STPG2: variants seen among roughly 807,000 people sequenced by gnomAD.
The protein encoded by STPG2 is sperm-tail PG-rich repeat-containing protein 2.
Under a neutral mutation model 54.2 loss-of-function variants are expected in STPG2, and 56 were observed. That is an observed-to-expected ratio of 1.03 (90% CI 0.83 to 1.29). The LOEUF (loss-of-function observed/expected upper bound fraction) is 1.29. STPG2 is among the 50% of genes most tolerant of loss of function. The pLI is 0.00. For synonymous variants in STPG2, 200 were observed against 181.8 expected (o/e 1.10, Z -0.81); for missense variants, 596 against 544.9 (o/e 1.09, Z -0.93).
intron 4 of STPG2, among the ~76,000 whole-genome samples, chr4:97,450,869 C>A (rs59931498): frequency 0.11 from 16,162 of 152,004 alleles, 2,525 homozygotes; most frequent in African/African-American, 0.34. Flanking sequence ...TATTAAATAT[C>A]CTACATGCAC....
chr4:98,061,281 G>A (rs959187163), intron 5 of STPG2, among the ~76,000 whole-genome samples: 1 of 152,150 alleles, frequency 6.6e-6, no homozygotes, highest in Non-Finnish European at 1.5e-5. Context: ...AGGTTTAATT[G>A]ACTCACAGTT....
intron 8 of STPG2, among the ~76,000 whole-genome samples, chr4:97,887,535 A>T (rs1730624141): frequency 6.6e-6 from 1 of 152,192 alleles, no homozygotes; most frequent in African/African-American, 2.4e-5. Flanking sequence ...CAAAGTATTC[A>T]AGATGTGGCC....
At chr4:97,495,646 T>A (rs926716394) in intron 4 of STPG2, among the ~76,000 whole-genome samples, 9 of 150,140 alleles carry the variant, frequency 6.0e-5, no homozygotes, top group African/African-American at 2.2e-4. Flanking sequence ...AGTTTCTTGG[T>A]AGTCAAGCTA....
chr4:97,566,045 C>A (rs1732427063), intron 10 of STPG2, among the ~76,000 whole-genome samples: 1 of 152,188 alleles, frequency 6.6e-6, no homozygotes, highest in Admixed American at 6.5e-5. Context: ...AGAGGTGGAG[C>A]CTACAGAGAC....
At chr4:97,661,258 G>C (rs1468039621) in intron 10 of STPG2, among the ~76,000 whole-genome samples, 1 of 152,026 alleles carries the variant, frequency 6.6e-6, no homozygotes, top group African/African-American at 2.4e-5. Context: ...CACAAAAATG[G>C]GCTTTGAACT....
At chr4:97,969,579 C>T (rs767390733) in intron 7 of STPG2, among the ~76,000 whole-genome samples, 2 of 152,098 alleles carry the variant, frequency 1.3e-5, no homozygotes, top group Admixed American at 1.3e-4. Flanking sequence ...GAGACAGCCC[C>T]GTTGCATTGC....
At chr4:97,698,113 C>T (rs2148994878) in intron 10 of STPG2, among the ~76,000 whole-genome samples, 2 of 152,140 alleles carry the variant, frequency 1.3e-5, no homozygotes, top group East Asian at 3.9e-4. Context: ...CATGACCGAT[C>T]TGGTCTCAGC....
intron 10 of STPG2, among the ~76,000 whole-genome samples, chr4:97,610,763 C>T (rs1421831737): frequency 6.6e-6 from 1 of 151,858 alleles, no homozygotes; most frequent in Admixed American, 6.6e-5. Flanking sequence ...CAAGTAAGAT[C>T]AATATACTTG....
chr4:97,853,784 T>C (rs1553918805), intron 8 of STPG2, among the ~76,000 whole-genome samples: 1 of 152,162 alleles, frequency 6.6e-6, no homozygotes, highest in Non-Finnish European at 1.5e-5. Context: ...TGATACTGTT[T>C]TTATTTTTTT....
At chr4:97,506,019 CAAAAAAAAAAA>C (rs59206485) in intron 4 of STPG2, among the ~76,000 whole-genome samples, 296 of 16,936 alleles carry the variant, frequency 0.017, 6 homozygotes, top group African/African-American at 0.056. Context: ...AATAGGAGAC[CAAAAAAAAAAA>C]AAAAAAAAAA....
At chr4:98,080,530 G>C (rs978162517) in intron 5 of STPG2, among the ~76,000 whole-genome samples, 1 of 152,060 alleles carries the variant, frequency 6.6e-6, no homozygotes, top group Admixed American at 6.5e-5. Context: ...ATAATTAACA[G>C]TCACAATTCA....
At chr4:98,107,357 AC>A (rs1324198728) in intron 4 of STPG2, among the ~76,000 whole-genome samples, 4 of 56,864 alleles carry the variant, frequency 7.0e-5, no homozygotes, top group African/African-American at 3.2e-4. Context: ...TGAGACAACT[AC>A]AAGTCAAAGA....
chr4:97,687,756 A>C (rs1214893678), intron 10 of STPG2, among the ~76,000 whole-genome samples: 1 of 152,174 alleles, frequency 6.6e-6, no homozygotes, highest in East Asian at 1.9e-4. Context: ...TTAGAACTAA[A>C]AAGGGAACTT....
intron 9 of STPG2, among the ~76,000 whole-genome samples, chr4:97,788,746 T>C (rs1263363940): frequency 2.0e-5 from 3 of 152,132 alleles, no homozygotes; most frequent in Non-Finnish European, 2.9e-5. Flanking sequence ...CTTGCTTTTT[T>C]AATGTGTGCA....
chr4:98,047,220 C>A (rs1578810966), intron 5 of STPG2, among the ~76,000 whole-genome samples: 1 of 152,176 alleles, frequency 6.6e-6, no homozygotes, highest in Admixed American at 6.5e-5. Context: ...AAGTAGCCAG[C>A]CCCTCAAGTA....
intron 4 of STPG2, among the ~76,000 whole-genome samples, chr4:97,551,482 CACACAACTAA>C (rs1359594225): frequency 6.6e-6 from 1 of 152,160 alleles, no homozygotes; most frequent in Non-Finnish European, 1.5e-5. Flanking sequence ...TCAGATCATT[CACACAACTAA>C]ATACAACATT....
At chr4:97,737,330 CCT>C (rs1725041701) in intron 9 of STPG2, among the ~76,000 whole-genome samples, 1 of 152,288 alleles carries the variant, frequency 6.6e-6, no homozygotes, top group Admixed American at 6.5e-5. Flanking sequence ...GAACACAGTT[CCT>C]CACCAGCAAC....
chr4:97,728,328 C>A (rs766436388), intron 9 of STPG2, among the ~76,000 whole-genome samples: 2 of 151,922 alleles, frequency 1.3e-5, no homozygotes, highest in Non-Finnish European at 2.9e-5. Context: ...ATTTTGATGT[C>A]AAGGAGTTCA....
intron 4 of STPG2, among the ~76,000 whole-genome samples, chr4:97,524,642 G>A (rs909954073): frequency 1.3e-5 from 2 of 151,886 alleles, no homozygotes; most frequent in East Asian, 1.9e-4. Flanking sequence ...TATTTTTAAC[G>A]GAAGGACTAA....
Sources: gnomAD v4.1 joint callset for allele counts (sites outside exome capture counted in the v4.1 genomes callset) on GRCh38, gnomAD v4.1.1 for gene constraint, MANE v1.5 for transcripts, NCBI Gene and HGNC (gene_info 2026-07-23, HGNC 2026-07-21) for gene names.